UVRAG: variants seen among roughly 807,000 people sequenced by gnomAD.
UVRAG encodes UV radiation resistance associated, also known as UV radiation resistance-associated gene protein.
A neutral mutation model predicts 78.0 loss-of-function variants in UVRAG; 19 were observed. The observed-to-expected ratio is 0.24, with a 90% CI of 0.17 to 0.36. UVRAG has a LOEUF of 0.36. UVRAG is among the 10% of genes least tolerant of loss of function. The pLI is 1.00. For missense variants in UVRAG, 740 were observed against 853.8 expected, an observed-to-expected ratio of 0.87 and a Z score of 1.66; for synonymous variants, 323 against 324.6, an observed-to-expected ratio of 1.00 and a Z score of 0.05.
rs191306267 is a variant in UVRAG at position 76,070,088 on chromosome 11, C to T, written c.1305+4300C>T. 3.9e-3 allele frequency among the ~76,000 whole-genome samples: 591 copies of T among 152,148 alleles called. 3 individuals carry two copies. The highest frequency in any genetic ancestry group is 6.9e-3 in the Non-Finnish European group (470 of 67,972). On this transcript the variant is annotated intron_variant, in intron 13 of 14. Coordinates refer to ENST00000356136, the MANE Select transcript of UVRAG (RefSeq NM_003369.4). ...TAAAAATTGTGATACACAAACACAA[C>T]GCACACACACACAAATAGAATATTA...
At position 75,815,446 on chromosome 11, in the gene UVRAG, G is replaced by C. The variant is rs1201270482; in HGVS notation, c.39G>C (p.Gln13His). ...ASASVGGPVP[Q>H]PPPGPAAALP... ...CGTCGGTCGGGGGCCCCGTCCCCCAGCCACCCCCGGGCCCGGCCGCTGCTC... is the reference window on the plus strand; with the variant it reads ...CGTCGGTCGGGGGCCCCGTCCCCCACCCACCCCCGGGCCCGGCCGCTGCTC... Residue 13 changes from glutamine to histidine, a missense_variant, in exon 1 of 15, where the codon CAG becomes CAC. Gln to His is a conservative substitution (Grantham distance 24, BLOSUM62 0). Transcript: ENST00000356136. 6 of 1,247,928 alleles carry C rather than the reference G, an allele frequency of 4.8e-6. No individual in the cohort carries two copies. Among genetic ancestry groups the C allele is most frequent in the Non-Finnish European group, 6.0e-6 (6 of 995,702 alleles). 77.3% of individuals were successfully genotyped at this position (1,247,928 alleles called of 1,614,324 possible).
At chr11:76,061,064 G>A (rs539180559) in intron 12 of UVRAG, among the ~76,000 whole-genome samples, 1 of 152,288 alleles carries the variant, frequency 6.6e-6, no homozygotes, top group South Asian at 2.1e-4. Flanking sequence ...TTTATGTCTA[G>A]CTAAGGGATT....
chr11:76,063,452 T>C (rs1301324503), intron 12 of UVRAG, among the ~76,000 whole-genome samples: 1 of 152,234 alleles, frequency 6.6e-6, no homozygotes, highest in Non-Finnish European at 1.5e-5. Context: ...ACAGTAAGGC[T>C]CAGATGGAAT....
At chr11:75,844,597 G>A (rs1945993941) in intron 1 of UVRAG, among the ~76,000 whole-genome samples, 1 of 151,766 alleles carries the variant, frequency 6.6e-6, no homozygotes, top group Admixed American at 6.6e-5. Context: ...GGAAGCACTG[G>A]TTTACAGTCA....
intron 6 of UVRAG, among the ~76,000 whole-genome samples, chr11:75,960,611 A>G (rs1044213667): frequency 3.3e-5 from 5 of 152,114 alleles, no homozygotes; most frequent in African/African-American, 1.2e-4. Flanking sequence ...TGCAAAAAAT[A>G]CAAAAATTAG....
At chr11:75,868,532 C>T (rs776668603) in intron 3 of UVRAG, among the ~76,000 whole-genome samples, 1 of 152,166 alleles carries the variant, frequency 6.6e-6, no homozygotes, top group Admixed American at 6.5e-5. Context: ...CCAGGACCCT[C>T]ACCTTATCCA....
chr11:76,114,000 G>A (rs907154160), intron 13 of UVRAG, among the ~76,000 whole-genome samples: 10 of 151,972 alleles, frequency 6.6e-5, no homozygotes, highest in East Asian at 1.9e-4. Flanking sequence ...CCCATCTTCC[G>A]TTGTGGAACC....
chr11:76,139,235 G>C (rs770599224), intron 14 of UVRAG, among the ~76,000 whole-genome samples: 1 of 152,212 alleles, frequency 6.6e-6, no homozygotes, highest in Admixed American at 6.5e-5. Context: ...TCCTGCATCA[G>C]AGGAGAGAGA....
At position 75,878,360 on chromosome 11, in the gene UVRAG, G is replaced by A. The variant is rs908802093; in HGVS notation, c.271-1519G>A. 5.9e-5 allele frequency: 10 copies of A among 170,714 alleles called. No individual in the cohort carries two copies. The South Asian group carries it at 1.1e-3, about 18-fold the overall frequency. 10.6% of individuals were successfully genotyped at this position (170,714 alleles called of 1,614,324 possible). A position where few individuals can be genotyped will look rare whatever the true frequency, so the allele number is the denominator to read the frequency against. Reference sequence around the variant, plus strand: ...GATGGGATGGCGGCCGGGCAGAGACGCTCCTCACTTTCCAGACTGGGCAGC... The same window carrying A: ...GATGGGATGGCGGCCGGGCAGAGACACTCCTCACTTTCCAGACTGGGCAGC... On this transcript the variant is annotated intron_variant, in intron 3 of 14. Coordinates refer to ENST00000356136, the MANE Select transcript of UVRAG (RefSeq NM_003369.4).
In UVRAG at chr11:75,884,342, A is replaced by T. The variant is rs552332929; in HGVS notation, c.432+4302A>T. On this transcript the variant is annotated intron_variant, in intron 4 of 14. Coordinates refer to ENST00000356136, the MANE Select transcript of UVRAG (RefSeq NM_003369.4). The stretch of plus-strand genomic sequence containing the variant: ...AAGTTCTTTATGTATTCTGGATATA[A>T]ATCAGTCCTTTATAAGATATGTATT... Among the ~76,000 whole-genome samples the T allele has an allele frequency of 1.1e-4, 17 of 151,702 alleles. No individual in the cohort carries two copies. In the East Asian group the frequency reaches 2.9e-3, roughly 26 times the overall value.
chr11:75,945,300 C>T (rs1471570347), intron 6 of UVRAG, among the ~76,000 whole-genome samples: 2 of 151,958 alleles, frequency 1.3e-5, no homozygotes, highest in Non-Finnish European at 2.9e-5. Context: ...TACTGAAGGC[C>T]TCTATATACA....
At chr11:75,835,561 A>G (rs928561975) in intron 1 of UVRAG, among the ~76,000 whole-genome samples, 1 of 152,192 alleles carries the variant, frequency 6.6e-6, no homozygotes, top group African/African-American at 2.4e-5. Flanking sequence ...TACTGCAATG[A>G]TCAAATGAAA....
intron 10 of UVRAG, among the ~76,000 whole-genome samples, chr11:76,007,995 C>T (rs1034855285): frequency 1.3e-5 from 2 of 152,112 alleles, no homozygotes; most frequent in Non-Finnish European, 2.9e-5. Flanking sequence ...GCAAGCTCCC[C>T]TTCCCGGGTT....
chr11:75,916,807 G>T (rs1189433244), intron 6 of UVRAG: 1 of 152,180 alleles, frequency 6.6e-6, no homozygotes, highest in Non-Finnish European at 1.5e-5. Flanking sequence ...ATCATAGGGG[G>T]TCTAAGCTGT....
chr11:75,862,294 T>C (rs553620873), intron 3 of UVRAG, among the ~76,000 whole-genome samples: 88 of 152,342 alleles, frequency 5.8e-4, no homozygotes, highest in Non-Finnish European at 1.1e-3. Flanking sequence ...GGCTTTTGTA[T>C]AGGATACTCC....
At chr11:76,032,820 G>T (rs1464250892) in intron 12 of UVRAG, among the ~76,000 whole-genome samples, 1 of 152,182 alleles carries the variant, frequency 6.6e-6, no homozygotes, top group Non-Finnish European at 1.5e-5. Flanking sequence ...ATGGACCAAA[G>T]CCTCCACTTT....
At chr11:75,893,712 T>C (rs1289740036) in intron 5 of UVRAG, among the ~76,000 whole-genome samples, 3 of 142,708 alleles carry the variant, frequency 2.1e-5, no homozygotes, top group Non-Finnish European at 4.5e-5. Context: ...CCAGGCATGG[T>C]ACATGGCTGT....
At chr11:75,932,658 C>G (rs985898107) in intron 6 of UVRAG, among the ~76,000 whole-genome samples, 5 of 152,176 alleles carry the variant, frequency 3.3e-5, no homozygotes, top group Non-Finnish European at 7.3e-5. Flanking sequence ...TAAACACATT[C>G]ATTAAAGTTG....
Position 75,815,435 on chromosome 11 carries a change from C to A in UVRAG, c.28C>A (p.Pro10Thr). MSASASVGG[P>T]VPQPPPGPAA... ...GAGCGCCTCCGCGTCGGTCGGGGGCCCCGTCCCCCAGCCACCCCCGGGCCC... is the reference window on the plus strand; with the variant it reads ...GAGCGCCTCCGCGTCGGTCGGGGGCACCGTCCCCCAGCCACCCCCGGGCCC... The change falls in exon 1 of 15, where the codon CCC (proline) becomes ACC (threonine). Residue 10 changes from proline (P) to threonine (T), a missense_variant. Pro to Thr is a conservative substitution (Grantham distance 38). Coordinates refer to ENST00000356136, the MANE Select transcript of UVRAG (RefSeq NM_003369.4). 2 of 1,248,692 alleles carry A rather than the reference C, an allele frequency of 1.6e-6. No individual in the cohort carries two copies. Among genetic ancestry groups the A allele is most frequent in the Non-Finnish European group, 1.0e-6 (1 of 995,854 alleles). 77.4% of individuals were successfully genotyped at this position (1,248,692 alleles called of 1,614,324 possible). A position where few individuals can be genotyped will look rare whatever the true frequency, so the allele number is the denominator to read the frequency against.
Sources: allele counts gnomAD v4.1 joint callset (sites outside exome capture counted in the v4.1 genomes callset), GRCh38; gene constraint gnomAD v4.1.1; transcripts MANE v1.5; gene names NCBI Gene and HGNC (gene_info 2026-07-23, HGNC 2026-07-21).